Variants in KSR2 observed in about 807,000 individuals in gnomAD.
KSR2 encodes the protein kinase suppressor of ras 2.
In KSR2, 25 loss-of-function variants were observed where a neutral mutation model predicts 107.8. That is an observed-to-expected ratio of 0.23 (90% CI 0.17 to 0.32). KSR2 has a LOEUF of 0.32. KSR2 is among the 10% of genes least tolerant of loss of function. The pLI is 1.00. For missense variants in KSR2, 887 were observed against 1,268.9 expected (o/e 0.70, Z 4.57); for synonymous variants, 480 against 507.0 (o/e 0.95, Z 0.71).
chr12:117,555,546 G>A (rs77779776), intron 8 of KSR2, among the ~76,000 whole-genome samples: 2,571 of 152,232 alleles, frequency 0.017, 59 homozygotes, highest in African/African-American at 0.059. Flanking sequence ...TTTTTTAAAA[G>A]TACCACAATT....
intron 10 of KSR2, among the ~76,000 whole-genome samples, chr12:117,537,853 T>G (rs1592969540): frequency 6.6e-6 from 1 of 152,304 alleles, no homozygotes; most frequent in South Asian, 2.1e-4. Flanking sequence ...ACACCCTGAT[T>G]ACTCCTGGCT....
intron 4 of KSR2, among the ~76,000 whole-genome samples, chr12:117,683,033 G>A (rs773021952): frequency 2.0e-5 from 3 of 152,056 alleles, no homozygotes; most frequent in Admixed American, 1.3e-4. Flanking sequence ...GCACATATAC[G>A]TATCAACACT....
intron 4 of KSR2, among the ~76,000 whole-genome samples, chr12:117,731,270 A>T (rs140997788): frequency 0.26 from 35,027 of 132,880 alleles, 5,940 homozygotes; most frequent in African/African-American, 0.47. Context: ...CCCTCCTCCC[A>T]GCAGCCGCCC....
rs753612456 is a variant in KSR2 at position 117,860,469 on chromosome 12, G to C, written c.181-38C>G. The C allele has an allele frequency of 3.8e-6, 6 of 1,563,396 alleles. No homozygotes were observed. The South Asian group carries it at 6.9e-5, about 18-fold the overall frequency. On this transcript the variant is annotated intron_variant, in intron 1 of 19. Coordinates refer to ENST00000339824, the MANE Select transcript of KSR2 (RefSeq NM_173598.6). ...AGACGAGGACAGAGGACACATCTCA[G>C]AGGCAGTGACACAAGGAAGAGAGGC...
At chr12:117,748,723 T>C (rs1270176047) in intron 4 of KSR2, among the ~76,000 whole-genome samples, 1 of 152,192 alleles carries the variant, frequency 6.6e-6, no homozygotes, top group Non-Finnish European at 1.5e-5. Flanking sequence ...TGTGTCCACA[T>C]AGCTGTGCAA....
intron 1 of KSR2, among the ~76,000 whole-genome samples, chr12:117,942,670 T>G (rs1785777065): frequency 6.6e-6 from 1 of 150,734 alleles, no homozygotes; most frequent in Non-Finnish European, 1.5e-5. Flanking sequence ...TTTTTGTGTT[T>G]TTTTTTTTTG....
chr12:117,495,567 G>C (rs959445789), intron 14 of KSR2, among the ~76,000 whole-genome samples: 2 of 152,210 alleles, frequency 1.3e-5, no homozygotes, highest in East Asian at 3.9e-4. Flanking sequence ...GGCCTGCCAG[G>C]CATCAGAATA....
At chr12:117,774,189 T>C (rs1042271261) in intron 3 of KSR2, among the ~76,000 whole-genome samples, 2 of 152,180 alleles carry the variant, frequency 1.3e-5, no homozygotes, top group Admixed American at 1.3e-4. Flanking sequence ...CAGCTCCTTC[T>C]GACCTCCCGA....
chr12:117,876,519 T>G (rs187994667), intron 1 of KSR2, among the ~76,000 whole-genome samples: 1 of 152,320 alleles, frequency 6.6e-6, no homozygotes, highest in East Asian at 1.9e-4. Flanking sequence ...TCTACGTTAT[T>G]ACTGCTGATG....
At chr12:117,507,103 C>T (rs1468906570) in intron 14 of KSR2, among the ~76,000 whole-genome samples, 3 of 152,226 alleles carry the variant, frequency 2.0e-5, no homozygotes, top group Non-Finnish European at 4.4e-5. Context: ...TTGCCCCTCA[C>T]ATCTGCTTTG....
chr12:117,865,026 A>G (rs974750917), intron 1 of KSR2, among the ~76,000 whole-genome samples: 2 of 152,150 alleles, frequency 1.3e-5, no homozygotes, highest in South Asian at 2.1e-4. Context: ...TTCATCCTAG[A>G]TAAGGGACCT....
chr12:117,742,938 A>T (rs1593191401), intron 4 of KSR2, among the ~76,000 whole-genome samples: 1 of 152,184 alleles, frequency 6.6e-6, no homozygotes, highest in East Asian at 1.9e-4. Flanking sequence ...GATGTGAGTG[A>T]TAAACATCTC....
At chr12:117,854,776 C>T (rs1401513345) in intron 3 of KSR2, among the ~76,000 whole-genome samples, 1 of 151,742 alleles carries the variant, frequency 6.6e-6, no homozygotes, top group Non-Finnish European at 1.5e-5. Flanking sequence ...TAAAGACAAA[C>T]AGGTATCTGA....
At chr12:117,708,372 A>G (rs1187779848) in intron 4 of KSR2, among the ~76,000 whole-genome samples, 1 of 151,970 alleles carries the variant, frequency 6.6e-6, no homozygotes, top group Non-Finnish European at 1.5e-5. Flanking sequence ...AGTGGCTGAG[A>G]TTTCCCCCAC....
Position 117,458,114 on chromosome 12 carries a change from T to C in KSR2, c.*9085A>G, listed in dbSNP as rs555066218. On this transcript the variant is annotated 3_prime_UTR_variant, in exon 20 of 20. Coordinates refer to ENST00000339824, the MANE Select transcript of KSR2 (RefSeq NM_173598.6). ...TGAATGCCCAGGGTCTAACACATAGTAGATGCTCAACAAATCACCCACTGA... is the reference window on the plus strand; with the variant it reads ...TGAATGCCCAGGGTCTAACACATAGCAGATGCTCAACAAATCACCCACTGA... 7 of 152,340 alleles carry C rather than the reference T, an allele frequency of 4.6e-5. No individual in the cohort carries two copies. In the South Asian group the frequency reaches 1.0e-3, roughly 23 times the overall value. 9.4% of individuals were successfully genotyped at this position (152,340 alleles called of 1,614,324 possible). A position where few individuals can be genotyped will look rare whatever the true frequency, so the allele number is the denominator to read the frequency against.
At chr12:117,826,498 A>G (rs1891757596) in intron 3 of KSR2, among the ~76,000 whole-genome samples, 2 of 149,606 alleles carry the variant, frequency 1.3e-5, no homozygotes, top group South Asian at 4.3e-4. Context: ...AGGGGAAAAA[A>G]CACACTAATA....
chr12:117,683,454 G>C (rs1313351945), intron 4 of KSR2, among the ~76,000 whole-genome samples: 1 of 151,840 alleles, frequency 6.6e-6, no homozygotes, highest in Non-Finnish European at 1.5e-5. Flanking sequence ...GGATTTAGTT[G>C]GCAAAAATGA....
chr12:117,601,640 C>G (rs7960857), intron 5 of KSR2, among the ~76,000 whole-genome samples: 125,684 of 152,170 alleles, frequency 0.83, 52,151 homozygotes, highest in East Asian at 0.97. Flanking sequence ...AGGACCCCCC[C>G]CTAGAGCCTT....
chr12:117,772,627 C>A (rs1265797974), intron 3 of KSR2, among the ~76,000 whole-genome samples: 1 of 149,924 alleles, frequency 6.7e-6, no homozygotes, highest in East Asian at 2.0e-4. Context: ...ACCATTCTCC[C>A]AAAGACGCAC....
Sources: gnomAD v4.1 joint callset for allele counts (sites outside exome capture counted in the v4.1 genomes callset) on GRCh38, gnomAD v4.1.1 for gene constraint, MANE v1.5 for transcripts, NCBI Gene and HGNC (gene_info 2026-07-23, HGNC 2026-07-21) for gene names.